Variants in WWC2 observed in about 807,000 individuals in gnomAD.
WWC2 encodes protein WWC2.
A neutral mutation model predicts 138.5 loss-of-function variants in WWC2; 101 were observed. The ratio of observed to expected loss-of-function variants is 0.73; its 90% CI spans 0.62 to 0.86. WWC2 has a LOEUF of 0.86. Ranked by LOEUF, WWC2 falls within the 40% of genes least tolerant of loss-of-function variation. The pLI, the probability that WWC2 is intolerant of heterozygous loss-of-function variation, is 0.00. For synonymous variants in WWC2, 558 were observed against 538.4 expected (o/e 1.04, Z -0.50); for missense variants, 1,420 against 1,419.4 (o/e 1.00, Z -0.01).
At chr4:183,199,428 G>C (rs1376054606) in intron 2 of WWC2, among the ~76,000 whole-genome samples, 1 of 152,142 alleles carries the variant, frequency 6.6e-6, no homozygotes, top group Admixed American at 6.5e-5. Context: ...TCCGCTCAAG[G>C]CATTAATTGT....
chr4:183,135,178 C>G (rs1733070961), intron 1 of WWC2, among the ~76,000 whole-genome samples: 1 of 152,134 alleles, frequency 6.6e-6, no homozygotes. Flanking sequence ...CTAGACCTCC[C>G]AAAGTGCTGG....
At chr4:183,117,887 G>A (rs554026977) in intron 1 of WWC2, among the ~76,000 whole-genome samples, 7 of 151,842 alleles carry the variant, frequency 4.6e-5, no homozygotes, top group South Asian at 4.2e-4. Flanking sequence ...TGCAACTGCC[G>A]CTTCCCGGGT....
chr4:183,259,372 C>G (rs578128143), intron 9 of WWC2, among the ~76,000 whole-genome samples: 1 of 152,216 alleles, frequency 6.6e-6, no homozygotes, highest in South Asian at 2.1e-4. Flanking sequence ...GACCATATTA[C>G]TTACCCATTT....
intron 1 of WWC2, among the ~76,000 whole-genome samples, chr4:183,130,092 G>C (rs747472599): frequency 6.9e-6 from 1 of 145,144 alleles, no homozygotes; most frequent in Non-Finnish European, 1.5e-5. Flanking sequence ...TTGCTCTGTC[G>C]CCCAGGGTGG....
At chr4:183,313,843 C>T (rs550077435) in intron 22 of WWC2, among the ~76,000 whole-genome samples, 5 of 149,726 alleles carry the variant, frequency 3.3e-5, no homozygotes, top group African/African-American at 9.9e-5. Context: ...AAAGTACATC[C>T]GGGATCCCTG....
intron 1 of WWC2, among the ~76,000 whole-genome samples, chr4:183,139,692 T>C (rs576159883): frequency 3.3e-5 from 5 of 152,358 alleles, no homozygotes; most frequent in African/African-American, 1.2e-4. Context: ...AGGCCTATCC[T>C]AACTGATACA....
At chr4:183,246,760 T>G (rs1320955072) in intron 6 of WWC2, among the ~76,000 whole-genome samples, 1 of 152,196 alleles carries the variant, frequency 6.6e-6, no homozygotes, top group African/African-American at 2.4e-5. Context: ...TTAACGTGGT[T>G]TTAACATACA....
intron 1 of WWC2, among the ~76,000 whole-genome samples, chr4:183,138,614 A>G (rs1457053916): frequency 2.0e-5 from 3 of 152,172 alleles, no homozygotes; most frequent in South Asian, 2.1e-4. Flanking sequence ...GGTCCTTTAT[A>G]TAAAACTTTG....
intron 1 of WWC2, among the ~76,000 whole-genome samples, chr4:183,139,147 G>A (rs1241465794): frequency 6.6e-6 from 1 of 152,116 alleles, no homozygotes; most frequent in African/African-American, 2.4e-5. Context: ...GGATCACAGT[G>A]GTAACTCTTT....
At chr4:183,314,014 GA>G (rs1489935815) in intron 22 of WWC2, among the ~76,000 whole-genome samples, 3 of 152,042 alleles carry the variant, frequency 2.0e-5, no homozygotes, top group Non-Finnish European at 4.4e-5. Context: ...GAGTGTTTTT[GA>G]AGTGTGGGGA....
chr4:183,223,923 A>G (rs185715216), intron 4 of WWC2, among the ~76,000 whole-genome samples: 5 of 152,042 alleles, frequency 3.3e-5, no homozygotes, highest in African/African-American at 1.2e-4. Context: ...TAGAGACAGG[A>G]TTTAGCCATG....
chr4:183,129,806 T>G (rs994387147), intron 1 of WWC2, among the ~76,000 whole-genome samples: 7 of 152,222 alleles, frequency 4.6e-5, no homozygotes, highest in Admixed American at 3.9e-4. Context: ...TAGGGAAAGT[T>G]AGAATCCATG....
chr4:183,228,095 A>T (rs934942172), intron 4 of WWC2, among the ~76,000 whole-genome samples: 1 of 152,096 alleles, frequency 6.6e-6, no homozygotes, highest in African/African-American at 2.4e-5. Flanking sequence ...ACAAAGATAC[A>T]GAAAAGTTAA....
chr4:183,100,120 C>G (rs1034085669), intron 1 of WWC2, among the ~76,000 whole-genome samples: 1 of 152,184 alleles, frequency 6.6e-6, no homozygotes, highest in East Asian at 1.9e-4. Context: ...CCGGAGGTCC[C>G]GAGCTGGGAA....
chr4:183,121,975 C>T (rs897277455), intron 1 of WWC2, among the ~76,000 whole-genome samples: 8 of 151,502 alleles, frequency 5.3e-5, no homozygotes, highest in South Asian at 2.1e-4. Flanking sequence ...TTAGTAGAGA[C>T]GGGCTTTCAC....
rs1738328522 is a variant in WWC2, at chr4:183,288,530, C to A, written c.3142-863C>A. Among the ~76,000 whole-genome samples, 4 of 152,160 alleles carry A rather than the reference C, an allele frequency of 2.6e-5. No homozygotes were observed. In the South Asian group the frequency reaches 8.3e-4, roughly 32 times the overall value. On this transcript the variant is annotated intron_variant, in intron 20 of 22. Transcript: ENST00000403733. Reference sequence around the variant, plus strand: ...GTGCCCTGACCCTGAGTGATCCATCCCCTTCCCTGACTTCCTGTGCACTTC... The same window carrying A: ...GTGCCCTGACCCTGAGTGATCCATCACCTTCCCTGACTTCCTGTGCACTTC...
chr4:183,117,749 C>T (rs559099326), intron 1 of WWC2, among the ~76,000 whole-genome samples: 5 of 149,068 alleles, frequency 3.4e-5, no homozygotes, highest in African/African-American at 7.4e-5. Context: ...GGATTACAGG[C>T]GTGAGCCACC....
rs185112678 is a variant in WWC2 at position 183,117,281 on chromosome 4, C to T, written c.131+17659C>T. On this transcript the variant is annotated intron_variant, in intron 1 of 22. Coordinates refer to ENST00000403733, the MANE Select transcript of WWC2 (RefSeq NM_024949.6). ...TGTCCCCCAGGCTGGAGTGCAATGG[C>T]GTGATCTTGGCTCACTGCAACCTCT... 4.2e-3 allele frequency among the ~76,000 whole-genome samples: 563 copies of T among 133,632 alleles called. 3 individuals are homozygous for T. The highest frequency in any genetic ancestry group is 0.015 in the African/African-American group (535 of 34,674). 87.7% of individuals were successfully genotyped at this position (133,632 alleles called of 152,430 possible).
intron 1 of WWC2, among the ~76,000 whole-genome samples, chr4:183,122,309 C>G (rs1370856970): frequency 6.6e-6 from 1 of 152,086 alleles, no homozygotes; most frequent in Non-Finnish European, 1.5e-5. Context: ...CCCACACACA[C>G]AAATTAGTGC....
Sources: allele counts gnomAD v4.1 joint callset (sites outside exome capture counted in the v4.1 genomes callset), GRCh38; gene constraint gnomAD v4.1.1; transcripts MANE v1.5; gene names NCBI Gene and HGNC (gene_info 2026-07-23, HGNC 2026-07-21).